The following CDCA7L variants were observed in gnomAD, a reference collection of about 807,000 sequenced individuals.
CDCA7L encodes cell division cycle associated 7 like.
A neutral mutation model predicts 57.4 loss-of-function variants in CDCA7L; 44 were observed. The observed-to-expected ratio is 0.77, with a 90% CI of 0.60 to 0.98. CDCA7L has a LOEUF of 0.98. Ranked by LOEUF, CDCA7L falls within the 50% of genes least tolerant of loss-of-function variation. CDCA7L has a pLI of 0.00. For missense variants in CDCA7L, 644 were observed against 580.6 expected, an observed-to-expected ratio of 1.11 and a Z score of -1.12; for synonymous variants, 236 against 202.8, an observed-to-expected ratio of 1.16 and a Z score of -1.39.
At chr7:21,911,183 C>T (rs1230167993) in intron 3 of CDCA7L, among the ~76,000 whole-genome samples, 1 of 151,672 alleles carries the variant, frequency 6.6e-6, no homozygotes, top group Non-Finnish European at 1.5e-5. Flanking sequence ...GTGCCCGCCA[C>T]CACGCCCGGC....
At chr7:21,931,100 G>C (rs1005732224) in intron 1 of CDCA7L, among the ~76,000 whole-genome samples, 1 of 152,246 alleles carries the variant, frequency 6.6e-6, no homozygotes, top group East Asian at 1.9e-4. Context: ...AATTCCTGAA[G>C]ACCAATAACA....
At position 21,908,376 on chromosome 7, in the gene CDCA7L, G is replaced by A. The variant is rs1785206762; in HGVS notation, c.435C>T (p.Ala145=). The A allele has an allele frequency of 6.2e-7, 1 of 1,610,174 alleles. No individual in the cohort carries two copies. The highest frequency in any genetic ancestry group is 8.5e-7 in the Non-Finnish European group (1 of 1,179,028). The change falls in exon 4 of 10, where the codon GCC becomes GCT. Residue 145 remains alanine (A), a synonymous_variant. Coordinates refer to ENST00000406877, the MANE Select transcript of CDCA7L (RefSeq NM_018719.5). ...CCAGCTTCTTGGTGGGGAACTGAAA[G>A]GCTACTCGAAGACCAATACTACTTC... ...SRRSSIGLRV[A]FQFPTKKLAN... is the part of the protein sequence containing the mutation.
chr7:21,911,778 C>G, intron 2 of CDCA7L, 24 bp from the exon 3 acceptor site: 2 of 1,605,526 alleles, frequency 1.2e-6, no homozygotes, highest in Non-Finnish European at 1.7e-6. Flanking sequence ...ACACATACAT[C>G]AGAGACGGAA....
In CDCA7L at chr7:21,908,200, C is replaced by G. The variant is rs775772395; in HGVS notation, c.611G>C (p.Arg204Pro). The change falls in exon 4 of 10, where the codon CGG becomes CCG. Residue 204 changes from arginine (R) to proline (P), a missense_variant. Arg to Pro is a moderately radical substitution (Grantham distance 103). Coordinates refer to ENST00000406877, the MANE Select transcript of CDCA7L (RefSeq NM_018719.5). ...DSTSESEDDS[R>P]DESQESSDAL... Reference sequence around the variant, plus strand: ...ATCTGAACTCTCCTGGCTCTCATCCCGAGAGTCATCCTCAGACTCAGAGGT... The same window carrying G: ...ATCTGAACTCTCCTGGCTCTCATCCGGAGAGTCATCCTCAGACTCAGAGGT... The G allele has an allele frequency of 5.0e-6, 8 of 1,609,714 alleles. 1 individual carries two copies. In the South Asian group the frequency reaches 8.8e-5, roughly 18 times the overall value.
chr7:21,903,759 C>G (rs777122648), intron 8 of CDCA7L: 6 of 202,518 alleles, frequency 3.0e-5, no homozygotes, highest in Non-Finnish European at 6.0e-5. Context: ...ATACTGCAAT[C>G]TCCACCTCCC....
intron 1 of CDCA7L, among the ~76,000 whole-genome samples, chr7:21,929,631 C>CAAAAAAAAAAAAAAAAA (rs57283961): frequency 2.8e-4 from 10 of 35,510 alleles, no homozygotes; most frequent in African/African-American, 7.6e-4. Flanking sequence ...AAATGGAAAG[C>CAAAAAAAAAAAAAAAAA]AAAAAAAAAA....
chr7:21,906,319 A>G lies in CDCA7L; in HGVS notation c.891T>C (p.Phe297=). Residue 297 remains phenylalanine, a synonymous_variant, in exon 6 of 10, where the codon TTT becomes TTC. Transcript: ENST00000406877. ...TTGTCTTCCTTCTTCGGAAGCTGTA[A>G]AACTCTTCCGCAAATTTAGCGGCTG... ...TVSAAKFAEE[F]YSFRRRKTIG... 1 of 1,605,878 alleles carries G rather than the reference A, an allele frequency of 6.2e-7. No individual in the cohort carries two copies. Among genetic ancestry groups the G allele is most frequent in the Non-Finnish European group, 8.5e-7 (1 of 1,177,370 alleles).
rs1785203275 is a variant in CDCA7L at position 21,908,272 on chromosome 7, A to G, written c.539T>C (p.Leu180Pro). The G allele has an allele frequency of 6.2e-7, 1 of 1,613,474 alleles. No homozygotes were observed. ...ARLQNEKKTI[L>P]ERKKDCRQVI... ...CTGTCTACAGTCTTTCTTTCTTTCA[A>G]GAATTGTTTTTTTCTCATTCTGTAA... The change falls in exon 4 of 10, where the codon CTT becomes CCT. Residue 180 changes from leucine to proline, a missense_variant. Transcript: ENST00000406877.
At chr7:21,924,850 T>A (rs1470290338) in intron 1 of CDCA7L, among the ~76,000 whole-genome samples, 1 of 152,256 alleles carries the variant, frequency 6.6e-6, no homozygotes, top group South Asian at 2.1e-4. Flanking sequence ...TGTCTCTGAT[T>A]TGCACCCAGA....
At position 21,908,030 on chromosome 7, in the gene CDCA7L, A is replaced by C; in HGVS notation, c.681+100T>G. The C allele has an allele frequency of 1.5e-6, 2 of 1,322,678 alleles. 1 individual carries two copies. The highest frequency in any genetic ancestry group is 3.1e-5 in the South Asian group (2 of 63,576). 81.9% of individuals were successfully genotyped at this position (1,322,678 alleles called of 1,614,324 possible). A position where few individuals can be genotyped will look rare whatever the true frequency, so the allele number is the denominator to read the frequency against. On this transcript the variant is annotated intron_variant, in intron 4 of 9. Coordinates refer to ENST00000406877, the MANE Select transcript of CDCA7L (RefSeq NM_018719.5). ...AGTATATTTTCTTGACAGAAGCCAA[A>C]GCAACAGCAGCAGCTGTAGGAGCAA...
At chr7:21,929,912 G>C (rs947550373) in intron 1 of CDCA7L, among the ~76,000 whole-genome samples, 1 of 152,108 alleles carries the variant, frequency 6.6e-6, no homozygotes, top group Non-Finnish European at 1.5e-5. Context: ...AGATCAAAGA[G>C]ACAGCAAATT....
chr7:21,910,402 C>A (rs1335947775), intron 3 of CDCA7L, among the ~76,000 whole-genome samples: 1 of 152,146 alleles, frequency 6.6e-6, no homozygotes, highest in African/African-American at 2.4e-5. Context: ...CACTATCAAA[C>A]GAAGCAGCCT....
At chr7:21,930,239 G>C (rs772070654) in intron 1 of CDCA7L, among the ~76,000 whole-genome samples, 1 of 152,146 alleles carries the variant, frequency 6.6e-6, no homozygotes, top group Admixed American at 6.5e-5. Context: ...ACGAAATCAA[G>C]ACAGAAATAA....
At chr7:21,909,148 C>T (rs557204271) in intron 3 of CDCA7L, among the ~76,000 whole-genome samples, 14 of 152,282 alleles carry the variant, frequency 9.2e-5, no homozygotes, top group African/African-American at 2.4e-4. Context: ...AATCCTCACC[C>T]GACATTTTCA....
At chr7:21,907,760 A>G (rs1233319351) in intron 4 of CDCA7L, among the ~76,000 whole-genome samples, 1 of 152,176 alleles carries the variant, frequency 6.6e-6, no homozygotes, top group Non-Finnish European at 1.5e-5. Flanking sequence ...GCAACTTCTC[A>G]GTGGACTTGG....
intron 6 of CDCA7L, 35 bp downstream of exon 6, chr7:21,906,254 G>A: frequency 6.4e-7 from 1 of 1,555,536 alleles, no homozygotes. Flanking sequence ...TGGTAGCTCA[G>A]ACAAAAACTA....
chr7:21,909,833 C>G (rs774737665), intron 3 of CDCA7L, among the ~76,000 whole-genome samples: 1 of 152,190 alleles, frequency 6.6e-6, no homozygotes, highest in Non-Finnish European at 1.5e-5. Context: ...AGCCCAGAAT[C>G]AGACCCAAGA....
At chr7:21,931,046 T>G (rs532307266) in intron 1 of CDCA7L, among the ~76,000 whole-genome samples, 1 of 152,236 alleles carries the variant, frequency 6.6e-6, no homozygotes, top group South Asian at 2.1e-4. Flanking sequence ...TGGATAAATT[T>G]CTGGACACAT....
intron 9 of CDCA7L, chr7:21,902,744 G>A (rs915840581): frequency 9.8e-6 from 5 of 509,084 alleles, no homozygotes; most frequent in African/African-American, 3.8e-5. Context: ...GAGAAATTTT[G>A]GTTAAAGGCA....
Sources: allele counts gnomAD v4.1 joint callset (sites outside exome capture counted in the v4.1 genomes callset), GRCh38; gene constraint gnomAD v4.1.1; transcripts MANE v1.5; gene names NCBI Gene and HGNC (gene_info 2026-07-23, HGNC 2026-07-21).